Variants in MSRB3 observed in about 807,000 individuals in gnomAD.
MSRB3 encodes methionine sulfoxide reductase B3.
In MSRB3, 13 loss-of-function variants were observed where a neutral mutation model predicts 21.0. That is an observed-to-expected ratio of 0.62 (90% CI 0.40 to 0.98). MSRB3 has a LOEUF of 0.98. MSRB3 is among the 50% of genes least tolerant of loss of function. The probability of loss-of-function intolerance (pLI) is 0.00; values close to 1 mark genes in which losing one functional copy is unlikely to be tolerated. For synonymous variants in MSRB3, 87 were observed against 88.6 expected (o/e 0.98, Z 0.10); for missense variants, 199 against 230.3 (o/e 0.86, Z 0.88).
At chr12:65,324,896 A>G (rs1005866871) in intron 2 of MSRB3, among the ~76,000 whole-genome samples, 1 of 152,222 alleles carries the variant, frequency 6.6e-6, no homozygotes, top group Non-Finnish European at 1.5e-5. Flanking sequence ...GTCTTTTTGT[A>G]TGAATGAACG....
chr12:65,326,795 G>C lies in MSRB3; in HGVS notation c.77-31G>C, dbSNP rs763249355. The C allele has an allele frequency of 1.8e-5, 28 of 1,562,622 alleles. 1 individual carries two copies. Among genetic ancestry groups the C allele is most frequent in the Admixed American group, 1.2e-4 (7 of 59,380 alleles). ...ATTATTTAGGATTCAAGCTAAAAAGGCTTCTTCTCCCATATCCTCTCTCTT... is the reference window on the plus strand; with the variant it reads ...ATTATTTAGGATTCAAGCTAAAAAGCCTTCTTCTCCCATATCCTCTCTCTT... On this transcript the variant is annotated intron_variant, in intron 2 of 6. Coordinates refer to ENST00000308259, the MANE Select transcript of MSRB3 (RefSeq NM_001031679.3).
chr12:65,441,248 C>G (rs1882365191), intron 5 of MSRB3, among the ~76,000 whole-genome samples: 1 of 151,892 alleles, frequency 6.6e-6, no homozygotes, highest in East Asian at 1.9e-4. Flanking sequence ...GGTCTTGATG[C>G]AGGACCCCGG....
chr12:65,279,428 C>T (rs2136377191), intron 1 of MSRB3: 1 of 152,090 alleles, frequency 6.6e-6, no homozygotes, highest in African/African-American at 2.4e-5. Context: ...CCCGCCCTCC[C>T]TGCGCTGCTG....
chr12:65,421,497 G>T (rs906181371), intron 5 of MSRB3, among the ~76,000 whole-genome samples: 2 of 152,116 alleles, frequency 1.3e-5, no homozygotes, highest in African/African-American at 4.8e-5. Flanking sequence ...TTTTGCTTTT[G>T]TTGTGATTGC....
chr12:65,366,796 G>A (rs1370041943), intron 4 of MSRB3, among the ~76,000 whole-genome samples: 1 of 152,140 alleles, frequency 6.6e-6, no homozygotes, highest in Non-Finnish European at 1.5e-5. Context: ...TGTTAAGATG[G>A]GAATTTCTAG....
chr12:65,304,414 A>G (rs1003728443), intron 1 of MSRB3, among the ~76,000 whole-genome samples: 50 of 152,340 alleles, frequency 3.3e-4, no homozygotes, highest in African/African-American at 1.2e-3. Context: ...GTATTTTTAA[A>G]TGCCCACTAT....
At chr12:65,452,645 ATACTC>A (rs1882906314) in intron 5 of MSRB3, among the ~76,000 whole-genome samples, 1 of 152,154 alleles carries the variant, frequency 6.6e-6, no homozygotes, top group Non-Finnish European at 1.5e-5. Context: ...TATCAATACT[ATACTC>A]TTGCATCGTG....
chr12:65,354,275 C>T (rs1877240513), intron 4 of MSRB3, among the ~76,000 whole-genome samples: 1 of 151,934 alleles, frequency 6.6e-6, no homozygotes, highest in Non-Finnish European at 1.5e-5. Flanking sequence ...GTTGGCGTGC[C>T]CTGCTAGATT....
intron 5 of MSRB3, among the ~76,000 whole-genome samples, chr12:65,405,291 T>C (rs1010955549): frequency 6.6e-6 from 1 of 152,126 alleles, no homozygotes; most frequent in African/African-American, 2.4e-5. Context: ...AGATTCCACA[T>C]ATAAGTGAGA....
chr12:65,422,388 GTATATATATATATATATA>G (rs59746471), intron 5 of MSRB3, among the ~76,000 whole-genome samples: 5 of 92,502 alleles, frequency 5.4e-5, no homozygotes, highest in Admixed American at 2.6e-4. Context: ...GGAGTACATA[GTATATATATATATATATA>G]TATATATATA....
Position 65,346,294 on chromosome 12 carries a change from G to T in MSRB3, c.263+17691G>T, listed in dbSNP as rs563586655. On this transcript the variant is annotated intron_variant, in intron 4 of 6. Transcript: ENST00000308259. ...TTGCCATTCTAACTGGTGTGAGATG[G>T]TATCTCACTGTGGTTTTGATTTGCA... Among the ~76,000 whole-genome samples, 35 of 152,236 alleles carry T rather than the reference G, an allele frequency of 2.3e-4. No individual in the cohort carries two copies. In the South Asian group the frequency reaches 6.8e-3, roughly 30 times the overall value.
intron 5 of MSRB3, chr12:65,419,586 C>T: frequency 1.4e-6 from 1 of 729,728 alleles, no homozygotes; most frequent in East Asian, 2.6e-5. Flanking sequence ...GGACATTGTC[C>T]ACAGTATTTG....
In MSRB3 at chr12:65,463,026, A is replaced by G. The variant is rs1883399531; in HGVS notation, c.391-129A>G. 20 of 1,155,758 alleles carry G rather than the reference A, an allele frequency of 1.7e-5. No homozygotes were observed. In the South Asian group the frequency reaches 2.1e-4, roughly 12 times the overall value. The allele number at this position is 1,155,758 out of a possible 1,614,324, so 71.6% of individuals were successfully genotyped here. ...CTTTGCGGCTATTGACAGGCGGATT[A>G]GAAATCATCCACGATGGTTTCCTTC... On this transcript the variant is annotated intron_variant, in intron 6 of 6. Coordinates refer to ENST00000308259, the MANE Select transcript of MSRB3 (RefSeq NM_001031679.3).
chr12:65,326,994 G>T, intron 3 of MSRB3, 60 bp downstream of exon 3: 12 of 1,241,872 alleles, frequency 9.7e-6, no homozygotes, highest in Non-Finnish European at 1.4e-5. Flanking sequence ...CCTGCCCTCT[G>T]CAGTGCTTTT....
At chr12:65,346,981 A>C (rs1460906741) in intron 4 of MSRB3, among the ~76,000 whole-genome samples, 2 of 152,080 alleles carry the variant, frequency 1.3e-5, no homozygotes, top group African/African-American at 4.8e-5. Flanking sequence ...CTGTTTTGTT[A>C]CTGTAGCCTT....
intron 4 of MSRB3, among the ~76,000 whole-genome samples, chr12:65,363,750 A>T (rs1877843404): frequency 6.6e-6 from 1 of 151,910 alleles, no homozygotes; most frequent in African/African-American, 2.4e-5. Flanking sequence ...CTTTGGGAGG[A>T]TGAGACAGGC....
intron 2 of MSRB3, among the ~76,000 whole-genome samples, chr12:65,315,525 C>G (rs1874235983): frequency 6.6e-6 from 1 of 151,802 alleles, no homozygotes; most frequent in Admixed American, 6.6e-5. Flanking sequence ...CAATAATTAG[C>G]CGGGCCTGGT....
intron 5 of MSRB3, among the ~76,000 whole-genome samples, chr12:65,420,320 A>C (rs1288533862): frequency 6.7e-6 from 1 of 149,124 alleles, no homozygotes; most frequent in South Asian, 2.1e-4. Context: ...AAATCTGGTA[A>C]TGTGATGCCT....
chr12:65,283,108 A>C (rs1872136008), intron 1 of MSRB3, among the ~76,000 whole-genome samples: 1 of 152,178 alleles, frequency 6.6e-6, no homozygotes, highest in South Asian at 2.1e-4. Context: ...TGAAACAGTA[A>C]TAGCTTAGGG....
Sources: allele counts gnomAD v4.1 joint callset (sites outside exome capture counted in the v4.1 genomes callset), GRCh38; gene constraint gnomAD v4.1.1; transcripts MANE v1.5; gene names NCBI Gene and HGNC (gene_info 2026-07-23, HGNC 2026-07-21).